MUC12: variants seen among roughly 807,000 people sequenced by gnomAD.
MUC12 encodes mucin 12, cell surface associated.
MUC12 carries 172 observed loss-of-function variants against 230.8 expected under a neutral mutation model. The observed-to-expected ratio is 0.75, with a 90% CI of 0.66 to 0.85. The LOEUF is 0.85. MUC12 is among the 40% of genes least tolerant of loss of function. The pLI, the probability that MUC12 is intolerant of heterozygous loss-of-function variation, is 0.00. For missense variants in MUC12, 3,506 were observed against 5,920.6 expected (o/e 0.59, Z 13.38); for synonymous variants, 1,259 against 2,401.9 (o/e 0.52, Z 13.91).
At chr7:101,013,405 A>G (rs568080625) in intron 8 of MUC12, among the ~76,000 whole-genome samples, 6 of 151,994 alleles carry the variant, frequency 3.9e-5, no homozygotes, top group African/African-American at 1.5e-4. Flanking sequence ...TTCCAAATCT[A>G]TCTCTATCTC....
chr7:101,012,322 A>G lies in MUC12; in HGVS notation c.15278A>G (p.Asp5093Gly). The G allele has an allele frequency of 2.6e-6, 4 of 1,537,318 alleles. No homozygotes were observed. Among genetic ancestry groups the G allele is most frequent in the Non-Finnish European group, 2.6e-6 (3 of 1,146,910 alleles). The change falls in exon 6 of 12, where the codon GAT (aspartate) becomes GGT (glycine). Residue 5093 changes from aspartate (D) to glycine (G), a missense_variant. Coordinates refer to ENST00000536621, the MANE Select transcript of MUC12 (RefSeq NM_001164462.2). ...AACGGTAGCATCGTGGTCAAGAACGATGTCATCCTGGAGGCAGACTACACT... is the reference window on the plus strand; with the variant it reads ...AACGGTAGCATCGTGGTCAAGAACGGTGTCATCCTGGAGGCAGACTACACT... ...LLNGSIVVKN[D>G]VILEADYTLE...
At chr7:100,990,159 G>A (rs1793255933) in intron 1 of MUC12, among the ~76,000 whole-genome samples, 1 of 152,222 alleles carries the variant, frequency 6.6e-6, no homozygotes, top group East Asian at 1.9e-4. Context: ...TCAGGAACCA[G>A]GACACACGGC....
rs1170421659 is a variant in MUC12 at position 101,006,516 on chromosome 7, G to T, written c.15002G>T (p.Cys5001Phe). Residue 5001 changes from cysteine to phenylalanine, a missense_variant, in exon 3 of 12, where the codon TGT (cysteine) becomes TTT (phenylalanine). Coordinates refer to ENST00000536621, the MANE Select transcript of MUC12 (RefSeq NM_001164462.2). The stretch of plus-strand genomic sequence containing the variant: ...ATTTGGAATGGAAAACAATGCGTCT[G>T]TCCCCAAGGCTACGTTGGTTACCAG... ...GQIWNGKQCV[C>F]PQGYVGYQCL... 9 of 1,537,236 alleles carry T rather than the reference G, an allele frequency of 5.9e-6. No individual in the cohort carries two copies. The highest frequency in any genetic ancestry group is 2.0e-5 in the Admixed American group (1 of 50,988).
chr7:100,973,168 T>G (rs1186594948), intron 1 of MUC12: 6 of 618,656 alleles, frequency 9.7e-6, no homozygotes, highest in African/African-American at 3.7e-5. Flanking sequence ...GAGAGGCCAT[T>G]GAGAGGCACC....
intron 9 of MUC12, chr7:101,015,339 G>A (rs1793899471): frequency 4.4e-6 from 2 of 450,444 alleles, no homozygotes; most frequent in Non-Finnish European, 8.0e-6. Context: ...CCCGAAGTCA[G>A]CAACTGAAGG....
intron 1 of MUC12, among the ~76,000 whole-genome samples, chr7:100,971,028 C>T (rs560671004): frequency 2.2e-4 from 34 of 152,110 alleles, no homozygotes; most frequent in African/African-American, 7.5e-4. Context: ...TGGTGGCACA[C>T]GCCTGTAGTC....
rs985499416 is a variant in MUC12 at position 100,991,438 on chromosome 7, C to G, written c.875C>G (p.Ser292Cys). ...TCAAAGGACACTTCGCCTGCACCTT[C>G]TGGTACCACATCAGCCTTTGTTAAA... ...PSSKDTSPAP[S>C]GTTSAFVKLS... Residue 292 changes from serine (S) to cysteine (C), a missense_variant, in exon 2 of 12, where the codon TCT becomes TGT. Coordinates refer to ENST00000536621, the MANE Select transcript of MUC12 (RefSeq NM_001164462.2). 16 of 1,537,706 alleles carry G rather than the reference C, an allele frequency of 1.0e-5. No individual in the cohort carries two copies. The highest frequency in any genetic ancestry group is 1.2e-5 in the Non-Finnish European group (14 of 1,147,056).
chr7:101,001,987 T>C lies in MUC12; in HGVS notation c.11424T>C (p.Thr3808=). The C allele has an allele frequency of 1.1e-6, 1 of 949,116 alleles. No individual in the cohort carries two copies. Among genetic ancestry groups the C allele is most frequent in the Non-Finnish European group, 1.4e-6 (1 of 700,924 alleles). 58.8% of individuals were successfully genotyped at this position (949,116 alleles called of 1,614,324 possible). A position where few individuals can be genotyped will look rare whatever the true frequency, so the allele number is the denominator to read the frequency against. The stretch of plus-strand genomic sequence containing the variant: ...TCTACAGCAGCAGCCCAGGCTCAAC[T>C]GAAACCACAGTGTTCCCTCGCAGCA... ...TTVYSSSPGS[T]ETTVFPRSTT... is the part of the protein sequence containing the mutation. The change falls in exon 2 of 12, where the codon ACT becomes ACC. Residue 3808 remains threonine, a synonymous_variant. Transcript: ENST00000536621.
At position 101,017,337 on chromosome 7, in the gene MUC12, G is replaced by A. The variant is rs1013684975; in HGVS notation, c.15878-238G>A. 2.8e-5 allele frequency: 14 copies of A among 492,758 alleles called. No individual in the cohort carries two copies. The Middle Eastern group carries it at 1.6e-3, about 55-fold the overall frequency. The allele number at this position is 492,758 out of a possible 1,614,324, so 30.5% of individuals were successfully genotyped here. ...TCCGTGGCCCCCGCTTCCACCCCGT[G>A]CATGTGGGGGGCTTCTGCTCCGCTC... On this transcript the variant is annotated intron_variant, in intron 10 of 11. Transcript: ENST00000536621.
intron 5 of MUC12, among the ~76,000 whole-genome samples, chr7:101,011,541 C>T (rs1488994434): frequency 2.6e-5 from 4 of 152,280 alleles, no homozygotes; most frequent in Middle Eastern, 3.4e-3. Context: ...CCTGACGTAG[C>T]GTCCTGAGTA....
At chr7:100,972,161 T>G in intron 1 of MUC12, 1 of 703,430 alleles carries the variant, frequency 1.4e-6, no homozygotes, top group Non-Finnish European at 2.6e-6. Context: ...AGGTAGCTCA[T>G]ATAATTCTCA....
rs1056692564 is a variant in MUC12 at position 100,973,191 on chromosome 7, GGGA to G, written c.67+3509_67+3511del. 1.7e-5 allele frequency: 10 copies of G among 578,124 alleles called. No individual in the cohort carries two copies. In the East Asian group the frequency reaches 2.5e-4, roughly 15 times the overall value. The allele number at this position is 578,124 out of a possible 1,614,324, so 35.8% of individuals were successfully genotyped here. On this transcript the variant is annotated intron_variant, in intron 1 of 11. Transcript: ENST00000536621. ...ATTGAGAGGCACCCAAAGCTATCCT[GGGA>G]GGAGGACATGAAGGCCCAGCTGAGA...
At position 100,991,925 on chromosome 7, in the gene MUC12, C is replaced by T. The variant is rs112934443; in HGVS notation, c.1362C>T (p.Ala454=). The change falls in exon 2 of 12, where the codon GCC becomes GCT. Residue 454 remains alanine, a synonymous_variant. Transcript: ENST00000536621. ...PDAMATTVLP[A]GSTPSVLVGD... ...CAATGGCAACAACAGTCTTACCTGC[C>T]GGCTCTACACCCTCAGTTCTTGTTG... 3.4e-5 allele frequency: 53 copies of T among 1,537,522 alleles called. No individual in the cohort carries two copies. In the East Asian group the frequency reaches 4.2e-4, roughly 12 times the overall value.
intron 1 of MUC12, chr7:100,981,378 G>C (rs1421051749): frequency 1.5e-6 from 1 of 646,838 alleles, no homozygotes; most frequent in Non-Finnish European, 2.8e-6. Flanking sequence ...AGCGAGTGAA[G>C]AACCTGGGCT....
At chr7:100,978,057 A>G (rs1262253567) in intron 1 of MUC12, among the ~76,000 whole-genome samples, 2 of 152,108 alleles carry the variant, frequency 1.3e-5, no homozygotes, top group Non-Finnish European at 2.9e-5. Flanking sequence ...ACATCTGGAA[A>G]GCCCCTGTTT....
chr7:101,008,274 G>A (rs1584845601), intron 3 of MUC12, among the ~76,000 whole-genome samples: 1 of 152,044 alleles, frequency 6.6e-6, no homozygotes, highest in African/African-American at 2.4e-5. Context: ...CTACAGGCGT[G>A]CACTACCATG....
intron 1 of MUC12, among the ~76,000 whole-genome samples, chr7:100,980,512 T>C (rs1167367848): frequency 6.6e-6 from 1 of 152,232 alleles, no homozygotes; most frequent in Admixed American, 6.5e-5. Context: ...TTCTTGGACA[T>C]GTGTACCTCT....
At chr7:100,986,187 C>G (rs986997769) in intron 1 of MUC12, among the ~76,000 whole-genome samples, 5 of 152,062 alleles carry the variant, frequency 3.3e-5, no homozygotes, top group Admixed American at 1.3e-4. Context: ...TAGCAAGATC[C>G]CATCTCTAAA....
At position 101,003,255 on chromosome 7, in the gene MUC12, T is replaced by C. The variant is rs1287742049; in HGVS notation, c.12692T>C (p.Phe4231Ser). The change falls in exon 2 of 12, where the codon TTC (phenylalanine) becomes TCC (serine). Residue 4231 changes from phenylalanine (F) to serine (S), a missense_variant. Phe to Ser is a radical substitution (Grantham distance 155, BLOSUM62 -2). Transcript: ENST00000536621. The stretch of plus-strand genomic sequence containing the variant: ...CCAGGCTCAATGCACACAACAGCAT[T>C]CCCTAGCAGTACCACCATGCCAGGC... The part of the protein sequence containing the change: ...SRPGSMHTTA[F>S]PSSTTMPGVS... 1.3e-6 allele frequency: 2 copies of C among 1,504,618 alleles called. No individual in the cohort carries two copies. Among genetic ancestry groups the C allele is most frequent in the Non-Finnish European group, 1.8e-6 (2 of 1,134,630 alleles). The allele number at this position is 1,504,618 out of a possible 1,614,324, so 93.2% of individuals were successfully genotyped here.
Sources: allele counts gnomAD v4.1 joint callset (sites outside exome capture counted in the v4.1 genomes callset), GRCh38; gene constraint gnomAD v4.1.1; transcripts MANE v1.5; gene names NCBI Gene and HGNC (gene_info 2026-07-23, HGNC 2026-07-21).